The following TMEM132B variants were observed in gnomAD, a reference collection of about 807,000 sequenced individuals.
The protein encoded by TMEM132B is transmembrane protein 132B.
Under a neutral mutation model 90.8 loss-of-function variants are expected in TMEM132B, and 18 were observed. The observed-to-expected ratio is 0.20, with a 90% CI of 0.14 to 0.29. The LOEUF is 0.29. Ranked by LOEUF, TMEM132B falls within the 10% of genes least tolerant of loss-of-function variation. TMEM132B has a pLI of 1.00. For synonymous variants in TMEM132B, 504 were observed against 523.3 expected (o/e 0.96, Z 0.50); for missense variants, 1,096 against 1,326.8 (o/e 0.83, Z 2.70).
At chr12:125,310,910 G>A (rs575417572) in intron 1 of TMEM132B, among the ~76,000 whole-genome samples, 54 of 152,306 alleles carry the variant, frequency 3.5e-4, no homozygotes, top group African/African-American at 1.2e-3. Flanking sequence ...AATCAAATAC[G>A]ATGTCACATC....
chr12:125,482,897 AT>A (rs1471831896), intron 3 of TMEM132B, among the ~76,000 whole-genome samples: 2 of 152,216 alleles, frequency 1.3e-5, no homozygotes, highest in Non-Finnish European at 2.9e-5. Context: ...CATATACACC[AT>A]GGAATACTAT....
At chr12:125,278,588 G>A (rs2136127699) in intron 1 of TMEM132B, among the ~76,000 whole-genome samples, 1 of 151,894 alleles carries the variant, frequency 6.6e-6, no homozygotes, top group Non-Finnish European at 1.5e-5. Context: ...GGGCTGGCTA[G>A]GTATTGAGCA....
chr12:125,199,682 A>G lies in TMEM132B; in HGVS notation c.67+12816A>G, dbSNP rs11834530. ...AGGACTGTTAAGTTGAATCTGTTCC[A>G]TGAAGTACTTATGGACTCTCCCTCC... is the stretch of plus-strand genomic sequence containing the variant. On this transcript the variant is annotated intron_variant, in intron 1 of 8. Transcript: ENST00000682704. 8.0e-3 allele frequency among the ~76,000 whole-genome samples: 1,219 copies of G among 152,326 alleles called. 13 individuals are homozygous for G. The highest frequency in any genetic ancestry group is 0.027 in the African/African-American group (1,138 of 41,574).
intron 3 of TMEM132B, among the ~76,000 whole-genome samples, chr12:125,416,294 CTTCTTGT>C (rs2136363443): frequency 6.6e-6 from 1 of 152,298 alleles, no homozygotes; most frequent in East Asian, 1.9e-4. Context: ...CCTCTGTTTT[CTTCTTGT>C]TTCATTAAAC....
At chr12:125,347,202 G>A (rs1877393367) in intron 1 of TMEM132B, among the ~76,000 whole-genome samples, 1 of 152,138 alleles carries the variant, frequency 6.6e-6, no homozygotes, top group African/African-American at 2.4e-5. Context: ...CTAGTTCCTT[G>A]GGGGCAGAAT....
At chr12:125,591,294 T>C (rs986261392) in intron 5 of TMEM132B, among the ~76,000 whole-genome samples, 4 of 152,150 alleles carry the variant, frequency 2.6e-5, no homozygotes, top group African/African-American at 9.7e-5. Context: ...ATCTGTTTCT[T>C]TGCCTTTTCC....
chr12:125,526,015 G>A (rs1229409735), intron 4 of TMEM132B, among the ~76,000 whole-genome samples: 3 of 152,204 alleles, frequency 2.0e-5, no homozygotes, highest in Non-Finnish European at 4.4e-5. Flanking sequence ...CTGTCCCTGA[G>A]CGTGACTGTG....
At chr12:125,588,023 A>G (rs7301115) in intron 5 of TMEM132B, 109,078 of 152,138 alleles carry the variant, frequency 0.72, 39,524 homozygotes, top group Middle Eastern at 0.84. Flanking sequence ...GCCATCATGT[A>G]GAAGATGGAG....
At chr12:125,465,755 C>A (rs142433800) in intron 3 of TMEM132B, among the ~76,000 whole-genome samples, 3 of 152,360 alleles carry the variant, frequency 2.0e-5, no homozygotes, top group Admixed American at 6.5e-5. Context: ...GATATCTGGG[C>A]AACCCATCAA....
intron 4 of TMEM132B, among the ~76,000 whole-genome samples, chr12:125,545,632 G>A (rs941128413): frequency 2.0e-5 from 3 of 152,184 alleles, no homozygotes; most frequent in African/African-American, 7.2e-5. Context: ...CTGTGATTAA[G>A]ACGGTTCAAC....
intron 1 of TMEM132B, among the ~76,000 whole-genome samples, chr12:125,340,327 T>C (rs1877138122): frequency 6.6e-6 from 1 of 152,156 alleles, no homozygotes; most frequent in South Asian, 2.1e-4. Context: ...ATTGTCTGAA[T>C]TCAGTGCGTG....
chr12:125,200,315 CTCAAGAGGTAA>C (rs1873025757), intron 1 of TMEM132B, among the ~76,000 whole-genome samples: 1 of 152,184 alleles, frequency 6.6e-6, no homozygotes, highest in South Asian at 2.1e-4. Flanking sequence ...TTCATATTCT[CTCAAGAGGTAA>C]TCAATTGTTG....
chr12:125,519,390 G>A, intron 3 of TMEM132B, 49 bp from the exon 4 acceptor site: 1 of 1,520,298 alleles, frequency 6.6e-7, no homozygotes, highest in Non-Finnish European at 8.9e-7. Context: ...TTGACATTTT[G>A]CTGAGTCTGA....
chr12:125,273,160 A>G (rs1271207513), intron 1 of TMEM132B, among the ~76,000 whole-genome samples: 2 of 151,998 alleles, frequency 1.3e-5, no homozygotes, highest in Non-Finnish European at 2.9e-5. Context: ...ACACACATAT[A>G]TCTCTATTTA....
intron 1 of TMEM132B, among the ~76,000 whole-genome samples, chr12:125,214,453 C>T (rs946333308): frequency 1.3e-4 from 20 of 152,236 alleles, no homozygotes. Context: ...CTGACTCTCA[C>T]TGGCTAGCAG....
Position 125,583,565 on chromosome 12 carries a change from C to CG in TMEM132B, c.1294-282dup, listed in dbSNP as rs550279207. ...TGTGAGTCTGTGGGACTGAGGGCGG[C>CG]GGGGATGGAGTAAGGGAGAGGAGGT... On this transcript the variant is annotated intron_variant, in intron 4 of 8. Transcript: ENST00000682704. Among the ~76,000 whole-genome samples the CG allele has an allele frequency of 2.1e-3, 318 of 152,062 alleles. 2 individuals carry two copies. Among genetic ancestry groups the CG allele is most frequent in the African/African-American group, 7.4e-3 (308 of 41,472 alleles).
At chr12:125,403,521 T>A (rs1352846976) in intron 2 of TMEM132B, among the ~76,000 whole-genome samples, 1 of 152,244 alleles carries the variant, frequency 6.6e-6, no homozygotes, top group Non-Finnish European at 1.5e-5. Context: ...GCTAAGAATA[T>A]CACCAAGCCT....
intron 2 of TMEM132B, among the ~76,000 whole-genome samples, chr12:125,372,901 C>G (rs1469571930): frequency 6.6e-6 from 1 of 152,174 alleles, no homozygotes; most frequent in East Asian, 1.9e-4. Context: ...AGGGCATTTT[C>G]TTTGTTTCCT....
intron 3 of TMEM132B, among the ~76,000 whole-genome samples, chr12:125,484,828 C>T (rs1882160100): frequency 1.3e-5 from 2 of 152,082 alleles, no homozygotes; most frequent in African/African-American, 4.8e-5. Flanking sequence ...TGATCTCAAA[C>T]TCTTTTGCTC....
Sources: gnomAD v4.1 joint callset for allele counts (sites outside exome capture counted in the v4.1 genomes callset) on GRCh38, gnomAD v4.1.1 for gene constraint, MANE v1.5 for transcripts, NCBI Gene and HGNC (gene_info 2026-07-23, HGNC 2026-07-21) for gene names.